PRH1: variants seen among roughly 807,000 people sequenced by gnomAD.
The protein encoded by PRH1 is proline rich protein HaeIII subfamily 1.
PRH1 carries 7 observed loss-of-function variants against 7.9 expected under a neutral mutation model. The observed-to-expected ratio is 0.89, with a 90% CI of 0.50 to 1.67. The LOEUF (loss-of-function observed/expected upper bound fraction) is 1.67. Ranked by LOEUF, PRH1 falls within the 40% of genes most tolerant of loss-of-function variation. The pLI is 0.00. For synonymous variants in PRH1, 45 were observed against 80.8 expected (o/e 0.56, Z 2.38); for missense variants, 109 against 223.6 (o/e 0.49, Z 3.27).
chr12:11,166,566 T>C lies in PRH1; in HGVS notation n.39+4856A>G, dbSNP rs148571348. Among the ~76,000 whole-genome samples, 423 of 152,244 alleles carry C rather than the reference T, an allele frequency of 2.8e-3. 8 individuals carry two copies. Among genetic ancestry groups the C allele is most frequent in the Non-Finnish European group, 6.0e-4 (41 of 68,024 alleles). On this transcript the variant is annotated intron_variant and non_coding_transcript_variant, in intron 1 of 1. Transcript: ENST00000541175. ...TTTTGCATAATAAAGATCCAGAACATGTGTAGTTTTCTTGCCTGTCCCCTA... is the reference window on the plus strand; with the variant it reads ...TTTTGCATAATAAAGATCCAGAACACGTGTAGTTTTCTTGCCTGTCCCCTA...
intron 1 of PRH1, among the ~76,000 whole-genome samples, chr12:10,994,892 T>C (rs930306756): frequency 6.6e-6 from 1 of 152,200 alleles, no homozygotes; most frequent in Non-Finnish European, 1.5e-5. Context: ...ATATGTGCAC[T>C]TATACAAAAA....
chr12:10,897,606 G>T (rs1409155768), intron 2 of PRH1, among the ~76,000 whole-genome samples: 1 of 152,224 alleles, frequency 6.6e-6, no homozygotes, highest in Non-Finnish European at 1.5e-5. Flanking sequence ...AGGAAGCATG[G>T]CGGCATCTGT....
chr12:10,927,991 G>A (rs938720989), intron 2 of PRH1, among the ~76,000 whole-genome samples: 12 of 152,248 alleles, frequency 7.9e-5, no homozygotes, highest in Middle Eastern at 3.4e-3. Flanking sequence ...TTGTCCAATT[G>A]TAGAGACAAA....
At chr12:11,138,896 A>G (rs1395305783) in intron 1 of PRH1, among the ~76,000 whole-genome samples, 1 of 152,028 alleles carries the variant, frequency 6.6e-6, no homozygotes, top group Non-Finnish European at 1.5e-5. Flanking sequence ...AAAAATTAGC[A>G]GGGCGTGGTG....
intron 1 of PRH1, among the ~76,000 whole-genome samples, chr12:11,073,960 T>C (rs201777327): frequency 0.49 from 64,088 of 130,170 alleles, 12,790 homozygotes; most frequent in Non-Finnish European, 0.57. Flanking sequence ...AGCACAAGAC[T>C]GCGTGCAACT....
chr12:10,936,611 A>G (rs146421871), intron 2 of PRH1, among the ~76,000 whole-genome samples: 1 of 152,260 alleles, frequency 6.6e-6, no homozygotes, highest in East Asian at 1.9e-4. Context: ...TTACCAGGCA[A>G]CCATGGATCT....
intron 1 of PRH1, among the ~76,000 whole-genome samples, chr12:11,100,609 A>C (rs1376743060): frequency 1.3e-5 from 2 of 152,220 alleles, no homozygotes; most frequent in African/African-American, 2.4e-5. Flanking sequence ...AGTTTTTAAC[A>C]ATCTTTAAAA....
At chr12:11,053,637 T>C (rs933817979) in intron 1 of PRH1, among the ~76,000 whole-genome samples, 21 of 152,270 alleles carry the variant, frequency 1.4e-4, no homozygotes, top group Non-Finnish European at 2.4e-4. Context: ...ATTATGTATG[T>C]AAATATTTCA....
chr12:11,125,101 C>G (rs1946065870), intron 1 of PRH1, among the ~76,000 whole-genome samples: 1 of 152,182 alleles, frequency 6.6e-6, no homozygotes, highest in African/African-American at 2.4e-5. Flanking sequence ...CCTCGGTCTC[C>G]CAGAGTGCTG....
At chr12:10,941,602 T>C (rs1462103107) in intron 2 of PRH1, among the ~76,000 whole-genome samples, 1 of 151,470 alleles carries the variant, frequency 6.6e-6, no homozygotes, top group African/African-American at 2.4e-5. Context: ...AAAATTTATT[T>C]GAATATTTCT....
At chr12:11,109,436 C>T (rs917230721) in intron 1 of PRH1, among the ~76,000 whole-genome samples, 47 of 152,062 alleles carry the variant, frequency 3.1e-4, no homozygotes, top group African/African-American at 1.1e-3. Flanking sequence ...TGACATCTGG[C>T]GGGTAACCCT....
At chr12:11,152,406 T>TA (rs1947127754) in intron 1 of PRH1, among the ~76,000 whole-genome samples, 1 of 152,186 alleles carries the variant, frequency 6.6e-6, no homozygotes. Flanking sequence ...AAAATTTTGA[T>TA]AATCTATACT....
chr12:11,069,329 T>C (rs1943960392), intron 1 of PRH1, among the ~76,000 whole-genome samples: 1 of 152,118 alleles, frequency 6.6e-6, no homozygotes, highest in Non-Finnish European at 1.5e-5. Context: ...TAATCACCCT[T>C]ACGCTTGTCT....
chr12:11,041,443 T>C (rs1465615419), intron 1 of PRH1, among the ~76,000 whole-genome samples: 1 of 152,118 alleles, frequency 6.6e-6, no homozygotes, highest in Non-Finnish European at 1.5e-5. Context: ...ATTGTAAATA[T>C]ATGTGCACTC....
chr12:11,020,363 G>GATATATCTATATATATATATATAT (rs1941545453), intron 1 of PRH1, among the ~76,000 whole-genome samples: 51 of 87,574 alleles, frequency 5.8e-4, no homozygotes, highest in East Asian at 3.1e-3. Context: ...TATGATAAGC[G>GATATATCTATATATATATATATAT]ATATATATAT....
chr12:10,888,723 G>A (rs913870219), upstream of PRH1, among the ~76,000 whole-genome samples: 3 of 152,066 alleles, frequency 2.0e-5, no homozygotes, highest in African/African-American at 4.8e-5. Flanking sequence ...ATTTTTGAGT[G>A]TATCTCTCTG....
At chr12:10,903,952 A>AAAC (rs1565460815) in intron 2 of PRH1, among the ~76,000 whole-genome samples, 79 of 144,740 alleles carry the variant, frequency 5.5e-4, no homozygotes, top group Middle Eastern at 3.5e-3. Flanking sequence ...AAAAAAAAAA[A>AAAC]AACAACTAGG....
chr12:10,943,819 A>T (rs1950442435), intron 2 of PRH1, among the ~76,000 whole-genome samples: 1 of 152,192 alleles, frequency 6.6e-6, no homozygotes, highest in Admixed American at 6.5e-5. Flanking sequence ...CTATTTATTA[A>T]ATACGAAGTC....
chr12:11,128,313 G>T (rs1350150216), intron 1 of PRH1, among the ~76,000 whole-genome samples: 1 of 131,098 alleles, frequency 7.6e-6, no homozygotes, highest in Non-Finnish European at 1.7e-5. Flanking sequence ...CCTGGATTTT[G>T]TTTCTTTTCA....
Sources: gnomAD v4.1 joint callset for allele counts (sites outside exome capture counted in the v4.1 genomes callset) on GRCh38, gnomAD v4.1.1 for gene constraint, MANE v1.5 for transcripts, NCBI Gene and HGNC (gene_info 2026-07-23, HGNC 2026-07-21) for gene names.